The following POLD4 variants were observed in gnomAD, a reference collection of about 807,000 sequenced individuals.
POLD4 encodes DNA polymerase delta subunit 4.
A neutral mutation model predicts 16.5 loss-of-function variants in POLD4; 9 were observed. The observed-to-expected ratio is 0.55, with a 90% CI of 0.33 to 0.95. The LOEUF (loss-of-function observed/expected upper bound fraction) is 0.95. Ranked by LOEUF, POLD4 falls within the 40% of genes least tolerant of loss-of-function variation. The probability of loss-of-function intolerance (pLI) is 0.03; values close to 1 mark genes in which losing one functional copy is unlikely to be tolerated. For missense variants in POLD4, 129 were observed against 139.7 expected (o/e 0.92, Z 0.39); for synonymous variants, 62 against 57.6 (o/e 1.08, Z -0.35).
At position 67,353,322 on chromosome 11, in the gene POLD4, C is replaced by T; in HGVS notation, c.78G>A (p.Gly26=). Residue 26 remains glycine, a synonymous_variant, in exon 1 of 4, where the codon GGG becomes GGA. Transcript: ENST00000312419. ...AGAGACCTAGCTCGGGTGCCAGCTC[C>T]CCCTTGCTGTGCCCAGCGGGCCCCT... is the stretch of plus-strand genomic sequence containing the variant. The part of the protein sequence containing the change: ...RREGPAGHSK[G]ELAPELGEEP... 6.2e-7 allele frequency: 1 copy of T among 1,612,314 alleles called. No individual in the cohort carries two copies. Among genetic ancestry groups the T allele is most frequent in the Non-Finnish European group, 8.5e-7 (1 of 1,179,956 alleles).
chr11:67,351,720 G>T lies in POLD4; in HGVS notation c.*275C>A. 4.5e-6 allele frequency: 2 copies of T among 448,216 alleles called. No individual in the cohort carries two copies. Among genetic ancestry groups the T allele is most frequent in the Non-Finnish European group, 8.1e-6 (2 of 245,834 alleles). The allele number at this position is 448,216 out of a possible 1,614,324, so 27.8% of individuals were successfully genotyped here. On this transcript the variant is annotated 3_prime_UTR_variant, in exon 4 of 4. Transcript: ENST00000312419. The surrounding 1 kb of genome is among the most constrained non-coding windows in gnomAD (Gnocchi z 4.8). Reference sequence around the variant, plus strand: ...GCCAGATCATGGGTCAGGGAGACAGGCAGCAGGTATTGGAAGGTGATGGCC... The same window carrying T: ...GCCAGATCATGGGTCAGGGAGACAGTCAGCAGGTATTGGAAGGTGATGGCC...
chr11:67,351,500 G>A lies in POLD4; in HGVS notation c.*495C>T. 1 of 154,908 alleles carries A rather than the reference G, an allele frequency of 6.5e-6. No homozygotes were observed. The highest frequency in any genetic ancestry group is 1.4e-5 in the Non-Finnish European group (1 of 69,310). 9.6% of individuals were successfully genotyped at this position (154,908 alleles called of 1,614,324 possible). The stretch of plus-strand genomic sequence containing the variant: ...GCCTCTCTCATCTCCTAACTTGCTA[G>A]GGACTGCCAGTCAAAGCAGGGCCAC... On this transcript the variant is annotated 3_prime_UTR_variant, in exon 4 of 4. Transcript: ENST00000312419. The surrounding 1 kb of genome is among the most constrained non-coding windows in gnomAD (Gnocchi z 4.8).
intron 1 of POLD4, 88 bp downstream of exon 1, chr11:67,353,215 C>T: frequency 1.9e-6 from 3 of 1,540,414 alleles, no homozygotes; most frequent in Non-Finnish European, 2.7e-6. Flanking sequence ...GGCCACCTTT[C>T]CCTTTCCATC....
chr11:67,352,517 A>G (rs183809213), intron 3 of POLD4, 174 bp downstream of exon 3: 4 of 555,196 alleles, frequency 7.2e-6, no homozygotes, highest in Non-Finnish European at 1.3e-5. Context: ...CTCAAAAAAA[A>G]AGAATTATTA....
Position 67,353,522 on chromosome 11 carries a change from A to C in POLD4, c.-123T>G. 2 of 795,458 alleles carry C rather than the reference A, an allele frequency of 2.5e-6. No individual in the cohort carries two copies. Among genetic ancestry groups the C allele is most frequent in the Non-Finnish European group, 3.9e-6 (2 of 510,584 alleles). 49.3% of individuals were successfully genotyped at this position (795,458 alleles called of 1,614,324 possible). On this transcript the variant is annotated 5_prime_UTR_variant, in exon 1 of 4. Transcript: ENST00000312419. ...GGGCCAGGCCAGCGGCGGGCAGACA[A>C]GATGACCCAGACAAACCGAGAGAGG...
chr11:67,353,185 G>C, intron 1 of POLD4, 108 bp from the exon 2 acceptor site: 1 of 1,496,200 alleles, frequency 6.7e-7, no homozygotes, highest in South Asian at 1.2e-5. Flanking sequence ...AGCTAGACCT[G>C]GTGTCGGGAG....
intron 1 of POLD4, 78 bp downstream of exon 1, chr11:67,353,225 C>T (rs1390974114): frequency 5.8e-6 from 9 of 1,549,860 alleles, no homozygotes; most frequent in Non-Finnish European, 7.9e-6. Flanking sequence ...CCCTTTCCAT[C>T]GGCCCCTCCG....
In POLD4 at chr11:67,351,847, T is replaced by C. The variant is rs983643734; in HGVS notation, c.*148A>G. Reference sequence around the variant, plus strand: ...GGAGCCTGCTGGTTAGATGGAGGAGTTGAGCCTCTGACACCTCCAGGTTCT... The same window carrying C: ...GGAGCCTGCTGGTTAGATGGAGGAGCTGAGCCTCTGACACCTCCAGGTTCT... On this transcript the variant is annotated 3_prime_UTR_variant, in exon 4 of 4. Transcript: ENST00000312419. This position sits in a 1 kb window ranked among gnomAD's most constrained non-coding sequence, Gnocchi z 4.8. The C allele has an allele frequency of 7.8e-6, 6 of 770,158 alleles. No individual in the cohort carries two copies. The African/African-American group carries it at 1.0e-4, about 13-fold the overall frequency. The allele number at this position is 770,158 out of a possible 1,614,324, so 47.7% of individuals were successfully genotyped here. A position where few individuals can be genotyped will look rare whatever the true frequency, so the allele number is the denominator to read the frequency against.
Position 67,352,710 on chromosome 11 carries a change from C to T in POLD4, c.280G>A (p.Asp94Asn). ...VWQVLKTHPG[D>N]PRFQCSLWHL... ...TCTGACCTGCACTGGAAGCGGGGGT[C>T]TCCGGGGTGGGTCTTCAGCACCTGC... Residue 94 changes from aspartate (D) to asparagine (N), a missense_variant, in exon 3 of 4, where the codon GAC becomes AAC. Asp to Asn is a conservative substitution (Grantham distance 23). Coordinates refer to ENST00000312419, the MANE Select transcript of POLD4 (RefSeq NM_021173.5). 1 of 1,612,880 alleles carries T rather than the reference C, an allele frequency of 6.2e-7. No individual in the cohort carries two copies.
At position 67,352,978 on chromosome 11, in the gene POLD4, G is replaced by A; in HGVS notation, c.187+10C>T. On this transcript the variant is annotated intron_variant, in intron 2 of 3. Coordinates refer to ENST00000312419, the MANE Select transcript of POLD4 (RefSeq NM_021173.5). Reference sequence around the variant, plus strand: ...GAGAGGCGCCTCCGTGGGGCTGGGTGGGTTCTCACCGGTGCAGGGCCCGTA... The same window carrying A: ...GAGAGGCGCCTCCGTGGGGCTGGGTAGGTTCTCACCGGTGCAGGGCCCGTA... 1 of 1,550,858 alleles carries A rather than the reference G, an allele frequency of 6.4e-7. No individual in the cohort carries two copies. The highest frequency in any genetic ancestry group is 8.7e-7 in the Non-Finnish European group (1 of 1,145,758).
Position 67,351,998 on chromosome 11 carries a change from T to C in POLD4, c.321A>G (p.Leu107=), listed in dbSNP as rs759175252. ...FQCSLWHLYP[L] is the part of the protein sequence containing the mutation. ...GCAGGAGGTCTTACGTGGTGCCTCA[T>C]AGGGGATAGAGATGCCAGAGACTGT... Residue 107 remains leucine, a synonymous_variant, in exon 4 of 4, where the codon CTA becomes CTG. Coordinates refer to ENST00000312419, the MANE Select transcript of POLD4 (RefSeq NM_021173.5). The surrounding 1 kb of genome is among the most constrained non-coding windows in gnomAD (Gnocchi z 4.8). The C allele has an allele frequency of 3.2e-5, 46 of 1,442,424 alleles. No homozygotes were observed. Among genetic ancestry groups the C allele is most frequent in the Middle Eastern group, 2.2e-4 (1 of 4,588 alleles). 89.4% of individuals were successfully genotyped at this position (1,442,424 alleles called of 1,614,324 possible).
Position 67,353,460 on chromosome 11 carries a change from TG to T in POLD4, c.-62del. The T allele has an allele frequency of 1.4e-6, 2 of 1,452,296 alleles. No individual in the cohort carries two copies. The highest frequency in any genetic ancestry group is 2.8e-5 in the African/African-American group (2 of 71,278). 90.0% of individuals were successfully genotyped at this position (1,452,296 alleles called of 1,614,324 possible). A position where few individuals can be genotyped will look rare whatever the true frequency, so the allele number is the denominator to read the frequency against. On this transcript the variant is annotated 5_prime_UTR_variant, in exon 1 of 4. Transcript: ENST00000312419. ...GCGGGGAAGAGGAGAGACCGGCCAG[TG>T]GGCGCGAGAAAGACAGCTGCTGAGA...
rs780693051 is a variant in POLD4, at chr11:67,353,375, C to T, written c.25G>A (p.Asp9Asn). Reference protein sequence around the residue: MGRKRLITDSYPVVKRREG... With the variant: MGRKRLITNSYPVVKRREG... The stretch of plus-strand genomic sequence containing the variant: ...CTCCTCTTCACAACCGGGTAGGAAT[C>T]AGTGATGAGCCGCTTCCGGCCCATG... Residue 9 changes from aspartate (D) to asparagine (N), a missense_variant, in exon 1 of 4, where the codon GAT becomes AAT. Physicochemically the swap from Asp to Asn is conservative, Grantham distance 23. Coordinates refer to ENST00000312419, the MANE Select transcript of POLD4 (RefSeq NM_021173.5). 2.5e-6 allele frequency: 4 copies of T among 1,612,166 alleles called. No individual in the cohort carries two copies. The highest frequency in any genetic ancestry group is 3.4e-6 in the Non-Finnish European group (4 of 1,179,970).
chr11:67,351,794 A>C lies in POLD4; in HGVS notation c.*201T>G, dbSNP rs1420955673. Reference sequence around the variant, plus strand: ...TCTCCATCTAGAAGCACTCTGCTTCAGCTGCGCAGGCTCTTCCGGGGACTC... The same window carrying C: ...TCTCCATCTAGAAGCACTCTGCTTCCGCTGCGCAGGCTCTTCCGGGGACTC... On this transcript the variant is annotated 3_prime_UTR_variant, in exon 4 of 4. Transcript: ENST00000312419. This position sits in a 1 kb window ranked among gnomAD's most constrained non-coding sequence, Gnocchi z 4.8. 1.7e-6 allele frequency: 1 copy of C among 579,622 alleles called. No homozygotes were observed. The highest frequency in any genetic ancestry group is 3.1e-6 in the Non-Finnish European group (1 of 319,614). 35.9% of individuals were successfully genotyped at this position (579,622 alleles called of 1,614,324 possible). A position where few individuals can be genotyped will look rare whatever the true frequency, so the allele number is the denominator to read the frequency against.
In POLD4 at chr11:67,352,703, CG is replaced by C; in HGVS notation, c.286del (p.Arg96AlafsTer22). 6.2e-7 allele frequency: 1 copy of C among 1,612,420 alleles called. No homozygotes were observed. Among genetic ancestry groups the C allele is most frequent in the South Asian group, 1.1e-5 (1 of 90,982 alleles). On this transcript the variant is annotated frameshift_variant, in exon 3 of 4. Transcript: ENST00000312419. LOFTEE classifies it high-confidence loss of function. ...GCCTGTCTCTGACCTGCACTGGAAGCGGGGGTCTCCGGGGTGGGTCTTCAGC... is the reference window on the plus strand; with the variant it reads ...GCCTGTCTCTGACCTGCACTGGAAGCGGGGTCTCCGGGGTGGGTCTTCAGC... The part of the protein sequence containing the change: ...QVLKTHPGDP[R>X]FQCSLWHLYP...
chr11:67,353,057 C>A lies in POLD4; in HGVS notation c.118G>T (p.Asp40Tyr), dbSNP rs772643660. ...PELGEEPQPRDEEEAELELLR... is the reference protein window; with the variant it reads ...PELGEEPQPRYEEEAELELLR... ...AGCTCCAGCTCCGCTTCCTCCTCGT[C>A]GCGGGGCTGGGGCTCCTCCCCTGCA... The change falls in exon 2 of 4, where the codon GAC becomes TAC. Residue 40 changes from aspartate (D) to tyrosine (Y), a missense_variant. Coordinates refer to ENST00000312419, the MANE Select transcript of POLD4 (RefSeq NM_021173.5). 1.3e-5 allele frequency: 20 copies of A among 1,589,218 alleles called. No homozygotes were observed. In the South Asian group the frequency reaches 2.3e-4, roughly 18 times the overall value.
chr11:67,352,731 C>CT lies in POLD4; in HGVS notation c.258_259insA (p.Val87SerfsTer76). The CT allele has an allele frequency of 6.2e-7, 1 of 1,613,424 alleles. No individual in the cohort carries two copies. Among genetic ancestry groups the CT allele is most frequent in the Non-Finnish European group, 8.5e-7 (1 of 1,179,900 alleles). ...GGGTCTCCGGGGTGGGTCTTCAGCA[C>CT]CTGCCACACCTCTGGGGGAGGCTCC... On this transcript the variant is annotated frameshift_variant, in exon 3 of 4. Coordinates refer to ENST00000312419, the MANE Select transcript of POLD4 (RefSeq NM_021173.5). LOFTEE classifies it high-confidence loss of function.
Position 67,352,783 on chromosome 11 carries a change from G to A in POLD4, c.207C>T (p.Arg69=). The A allele has an allele frequency of 6.2e-7, 1 of 1,610,122 alleles. No homozygotes were observed. Residue 69 remains arginine (R), a synonymous_variant, in exon 3 of 4, where the codon CGC becomes CGT. Transcript: ENST00000312419. The stretch of plus-strand genomic sequence containing the variant: ...AGCCCATCTGCTTGGCCCGACACCA[G>A]CGCTGCAGCCGTGTGATCCCTGCCA... ...GPCTGITRLQ[R]WCRAKQMGLE...
At position 67,353,063 on chromosome 11, in the gene POLD4, G is replaced by T; in HGVS notation, c.112C>A (p.Pro38Thr). The T allele has an allele frequency of 1.3e-6, 2 of 1,586,996 alleles. No individual in the cohort carries two copies. The highest frequency in any genetic ancestry group is 2.3e-5 in the East Asian group (1 of 43,172). ...LAPELGEEPQPRDEEEAELEL... is the reference protein window; with the variant it reads ...LAPELGEEPQTRDEEEAELEL... ...AGCTCCGCTTCCTCCTCGTCGCGGG[G>T]CTGGGGCTCCTCCCCTGCAATGACA... The change falls in exon 2 of 4, where the codon CCC becomes ACC. Residue 38 changes from proline (P) to threonine (T), a missense_variant. Coordinates refer to ENST00000312419, the MANE Select transcript of POLD4 (RefSeq NM_021173.5).
Sources: allele counts gnomAD v4.1 joint callset, GRCh38; gene constraint gnomAD v4.1.1; non-coding constraint Gnocchi (gnomAD v3.1); transcripts MANE v1.5; gene names NCBI Gene and HGNC (gene_info 2026-07-23, HGNC 2026-07-21).